Variants in RPS3 observed in about 807,000 individuals in gnomAD.
The protein encoded by RPS3 is small ribosomal subunit protein uS3.
Under a neutral mutation model 25.8 loss-of-function variants are expected in RPS3, and 2 were observed. The ratio of observed to expected loss-of-function variants is 0.08; its 90% CI spans 0.03 to 0.24. The LOEUF is 0.24. Ranked by LOEUF, RPS3 falls within the 10% of genes least tolerant of loss-of-function variation. The pLI is 1.00. For missense variants in RPS3, 107 were observed against 307.1 expected (o/e 0.35, Z 4.87); for synonymous variants, 114 against 114.2 (o/e 1.00, Z 0.01).
At chr11:75,401,759 G>A in intron 3 of RPS3, 26 bp downstream of exon 3, 3 of 1,242,294 alleles carry the variant, frequency 2.4e-6, no homozygotes, top group Non-Finnish European at 3.6e-6. Flanking sequence ...ATATGCCAGA[G>A]GTAATGGCTC....
At chr11:75,419,355 A>T (rs1948425471) in intron 6 of RPS3, among the ~76,000 whole-genome samples, 1 of 152,124 alleles carries the variant, frequency 6.6e-6, no homozygotes, top group African/African-American at 2.4e-5. Flanking sequence ...GGAGTTTGAG[A>T]CTAGCCTGAC....
chr11:75,414,547 C>G (rs563102286), intron 6 of RPS3, among the ~76,000 whole-genome samples: 1 of 151,978 alleles, frequency 6.6e-6, no homozygotes, highest in South Asian at 2.1e-4. Flanking sequence ...GGAGGCGGAG[C>G]TTGCAGTGAG....
rs1948251465 is a variant in RPS3, at chr11:75,404,266, A to G, written c.538+59A>G. ...TGTGGACAGATTTGGTTTTCCACAG[A>G]CATCTTAAGTATTTGGGGGAGTTTA... On this transcript the variant is annotated intron_variant, in intron 5 of 6. Transcript: ENST00000531188. This position sits in a 1 kb window ranked among gnomAD's most constrained non-coding sequence, Gnocchi z 4.6. 7 of 1,485,768 alleles carry G rather than the reference A, an allele frequency of 4.7e-6. No homozygotes were observed. Among genetic ancestry groups the G allele is most frequent in the Non-Finnish European group, 4.7e-6 (5 of 1,074,796 alleles). The allele number at this position is 1,485,768 out of a possible 1,614,324, so 92.0% of individuals were successfully genotyped here.
intron 3 of RPS3, 37 bp from the exon 4 acceptor site, chr11:75,402,315 G>T: frequency 6.3e-7 from 1 of 1,593,500 alleles, no homozygotes; most frequent in South Asian, 1.1e-5. Flanking sequence ...TGAAAATAAT[G>T]GTGATGGTAA....
chr11:75,408,799 G>A (rs1182082872), downstream of RPS3, among the ~76,000 whole-genome samples: 1 of 152,170 alleles, frequency 6.6e-6, no homozygotes, highest in Non-Finnish European at 1.5e-5. Flanking sequence ...ACCTCCCAAA[G>A]TGCTGGGATT....
chr11:75,411,084 G>C (rs1443196310), downstream of RPS3, among the ~76,000 whole-genome samples: 1 of 152,000 alleles, frequency 6.6e-6, no homozygotes, highest in African/African-American at 2.4e-5. Context: ...CACCATGTTA[G>C]CCAGGATGGT....
chr11:75,400,973 C>T (rs1351254190), intron 2 of RPS3, 149 bp downstream of exon 2: 3 of 1,206,536 alleles, frequency 2.5e-6, no homozygotes, highest in Non-Finnish European at 3.2e-6. Context: ...AGCTCCGCCT[C>T]CCGGGTTCAC....
chr11:75,413,595 A>T (rs578036407), intron 6 of RPS3, among the ~76,000 whole-genome samples: 2 of 152,308 alleles, frequency 1.3e-5, no homozygotes, highest in South Asian at 4.1e-4. Context: ...CCATGTATAC[A>T]CCACTGAATG....
At position 75,417,529 on chromosome 11, in the gene RPS3, G is replaced by A. The variant is rs537551234; in HGVS notation, c.*4-4198G>A. On this transcript the variant is annotated intron_variant, in intron 6 of 6. Coordinates refer to the RPS3 transcript ENST00000527446. ...GGAGAATGGCGTGAACCCGGGAGGC[G>A]GAGGTTACAGTGAGCCGAGATCGCG... Among the ~76,000 whole-genome samples the A allele has an allele frequency of 8.5e-5, 13 of 152,320 alleles. No homozygotes were observed. In the South Asian group the frequency reaches 2.1e-3, roughly 24 times the overall value.
intron 6 of RPS3, among the ~76,000 whole-genome samples, chr11:75,419,946 A>G (rs1336556324): frequency 6.6e-6 from 1 of 152,242 alleles, no homozygotes; most frequent in African/African-American, 2.4e-5. Flanking sequence ...GTTCTTTGGA[A>G]GACCATTAAG....
At chr11:75,410,062 G>T (rs1429677709), downstream of RPS3, among the ~76,000 whole-genome samples, 1 of 143,032 alleles carries the variant, frequency 7.0e-6, no homozygotes, top group South Asian at 2.2e-4. Flanking sequence ...CTGGCCAGGC[G>T]GGGGGCTGAC....
At chr11:75,416,543 C>T (rs1424840825) in intron 6 of RPS3, among the ~76,000 whole-genome samples, 4 of 150,402 alleles carry the variant, frequency 2.7e-5, no homozygotes, top group Non-Finnish European at 4.4e-5. Context: ...ACTGCAACCT[C>T]CGCCTCCTGG....
intron 3 of RPS3, 114 bp from the exon 4 acceptor site, chr11:75,402,238 T>G: frequency 8.0e-6 from 12 of 1,495,184 alleles, no homozygotes; most frequent in Non-Finnish European, 1.1e-5. Flanking sequence ...ATGCGGCCCG[T>G]GGGTTGGGCA....
downstream of RPS3, among the ~76,000 whole-genome samples, chr11:75,410,821 C>CA (rs1197732403): frequency 5.6e-4 from 84 of 150,558 alleles, no homozygotes; most frequent in Middle Eastern, 3.4e-3. Flanking sequence ...CCGTCTCCAC[C>CA]AAAAAAAAAC....
At chr11:75,405,420 G>GT (rs1165042788) in intron 6 of RPS3, 194 bp from the exon 7 acceptor site, 2 of 325,184 alleles carry the variant, frequency 6.2e-6, no homozygotes, top group South Asian at 2.6e-5. Flanking sequence ...AACACTTGGG[G>GT]TTTTTTTGTT....
intron 2 of RPS3, among the ~76,000 whole-genome samples, chr11:75,401,172 G>A (rs1379373702): frequency 1.3e-5 from 2 of 152,166 alleles, no homozygotes; most frequent in African/African-American, 4.8e-5. Flanking sequence ...GTGAGCCACC[G>A]CGCCCGGCAG....
At chr11:75,400,500 A>G (rs760930613) in intron 1 of RPS3, 194 bp from the exon 2 acceptor site, 1 of 786,962 alleles carries the variant, frequency 1.3e-6, no homozygotes, top group Non-Finnish European at 2.1e-6. Context: ...GGTTGAAGTA[A>G]TTTCCTAAAG....
In RPS3 at chr11:75,402,531, G is replaced by T. The variant is rs1048063869; in HGVS notation, c.350+85G>T. The T allele has an allele frequency of 5.0e-6, 7 of 1,388,806 alleles. No individual in the cohort carries two copies. In the East Asian group the frequency reaches 1.4e-4, roughly 28 times the overall value. The allele number at this position is 1,388,806 out of a possible 1,614,324, so 86.0% of individuals were successfully genotyped here. ...CATTTGTTAATTTAGCAGATGAACT[G>T]TTACAAAGTTACAGGATCTGCTAGT... On this transcript the variant is annotated intron_variant, in intron 4 of 6. Transcript: ENST00000531188.
intron 1 of RPS3, 130 bp from the exon 2 acceptor site, chr11:75,400,564 G>C: frequency 7.4e-7 from 1 of 1,348,134 alleles, no homozygotes; most frequent in Non-Finnish European, 1.0e-6. Context: ...TTGGAACAAG[G>C]GTTTGGAACC....
Sources: gnomAD v4.1 joint callset for allele counts (sites outside exome capture counted in the v4.1 genomes callset) on GRCh38, gnomAD v4.1.1 for gene constraint, Gnocchi (gnomAD v3.1) non-coding constraint, MANE v1.5 for transcripts, NCBI Gene and HGNC (gene_info 2026-07-23, HGNC 2026-07-21) for gene names.